Variants in HDGFL2 observed in about 807,000 individuals in gnomAD.
HDGFL2 encodes the protein HDGF like 2.
In HDGFL2, 36 loss-of-function variants were observed where a neutral mutation model predicts 77.1. The ratio of observed to expected loss-of-function variants is 0.47; its 90% confidence interval spans 0.36 to 0.62. The LOEUF is 0.62. HDGFL2 is among the 20% of genes least tolerant of loss of function. The pLI is 0.00. For synonymous variants in HDGFL2, 463 were observed against 413.1 expected (o/e 1.12, Z -1.46); for missense variants, 976 against 973.4 (o/e 1.00, Z -0.04).
chr19:4,499,570 G>T lies in HDGFL2; in HGVS notation c.1655G>T (p.Gly552Val). 6.2e-7 allele frequency: 1 copy of T among 1,613,488 alleles called. No homozygotes were observed. Among genetic ancestry groups the T allele is most frequent in the Non-Finnish European group, 8.5e-7 (1 of 1,179,818 alleles). ...VYTRLKSRVL[G>V]PKIEAVQKVN... ...ACCCGGCTCAAGTCGCGGGTCCTCG[G>T]CCCAAAGATCGAGGCGGTGCAGAAA... The change falls in exon 14 of 16, where the codon GGC (glycine) becomes GTC (valine). Residue 552 changes from glycine to valine, a missense_variant. Transcript: ENST00000616600.
rs758525198 is a variant in HDGFL2 at position 4,494,064 on chromosome 19, G to A, written c.914+7G>A. The A allele has an allele frequency of 1.3e-6, 2 of 1,594,856 alleles. No homozygotes were observed. Among genetic ancestry groups the A allele is most frequent in the East Asian group, 2.3e-5 (1 of 44,050 alleles). On this transcript the variant is annotated splice_region_variant and intron_variant, in intron 8 of 15. Coordinates refer to ENST00000616600, the MANE Select transcript of HDGFL2 (RefSeq NM_001001520.3). ...CCAGCTCCAGCAGTGACAGGTGGGT[G>A]CTGGGGCTGGGGTCCCCTCTGGCGG...
Position 4,487,753 on chromosome 19 carries a change from A to G in HDGFL2, c.289-923A>G, listed in dbSNP as rs569945495. Among the ~76,000 whole-genome samples, 5 of 152,242 alleles carry G rather than the reference A, an allele frequency of 3.3e-5. No individual in the cohort carries two copies. The East Asian group carries it at 7.7e-4, about 24-fold the overall frequency. On this transcript the variant is annotated intron_variant, in intron 3 of 15. Coordinates refer to ENST00000616600, the MANE Select transcript of HDGFL2 (RefSeq NM_001001520.3). ...GCCCGACACTCATGACTGCTCAGCA[A>G]ACGTTGGCTCAGTGTGTGACCCGGT...
intron 3 of HDGFL2, 90 bp from the exon 4 acceptor site, chr19:4,488,586 A>G (rs2145184773): frequency 6.8e-6 from 8 of 1,171,646 alleles, no homozygotes; most frequent in South Asian, 1.4e-5. Context: ...AGGATCCCGC[A>G]TGTGGTTGCC....
chr19:4,475,430 G>A lies in HDGFL2; in HGVS notation c.150-15G>A, dbSNP rs1468737100. The A allele has an allele frequency of 3.7e-6, 6 of 1,613,606 alleles. No homozygotes were observed. The highest frequency in any genetic ancestry group is 4.2e-6 in the Non-Finnish European group (5 of 1,179,908). On this transcript the variant is annotated splice_polypyrimidine_tract_variant and intron_variant, in intron 2 of 15. Transcript: ENST00000616600. ...CCTCACTCACCTGGGACTGGCCCCCGTTTCCCTTCTCCAGAGCCTTCCTGG... is the reference window on the plus strand; with the variant it reads ...CCTCACTCACCTGGGACTGGCCCCCATTTCCCTTCTCCAGAGCCTTCCTGG...
chr19:4,479,214 G>A (rs1975149691), intron 3 of HDGFL2, among the ~76,000 whole-genome samples: 1 of 151,920 alleles, frequency 6.6e-6, no homozygotes, highest in Non-Finnish European at 1.5e-5. Context: ...CACTTTGGGA[G>A]ACTGAGGAGG....
Position 4,494,460 on chromosome 19 carries a change from C to A in HDGFL2, c.1209C>A (p.Ala403=). ...PPSSSDSEPE[A]ELEREAKKSA... is the part of the protein sequence containing the mutation. Reference sequence around the variant, plus strand: ...CCTCCTCTGACTCCGAGCCCGAGGCCGAGCTGGAGAGAGAGGTGAGCCGGG... The same window carrying A: ...CCTCCTCTGACTCCGAGCCCGAGGCAGAGCTGGAGAGAGAGGTGAGCCGGG... Residue 403 remains alanine (A), a synonymous_variant, in exon 9 of 16, where the codon GCC becomes GCA. Coordinates refer to ENST00000616600, the MANE Select transcript of HDGFL2 (RefSeq NM_001001520.3). 1 of 1,391,660 alleles carries A rather than the reference C, an allele frequency of 7.2e-7. No homozygotes were observed. 86.2% of individuals were successfully genotyped at this position (1,391,660 alleles called of 1,614,324 possible). A position where few individuals can be genotyped will look rare whatever the true frequency, so the allele number is the denominator to read the frequency against.
chr19:4,501,090 C>T, intron 14 of HDGFL2, 101 bp from the exon 15 acceptor site: 31 of 1,460,450 alleles, frequency 2.1e-5, no homozygotes, highest in South Asian at 6.1e-5. Flanking sequence ...GTGTCACCCA[C>T]GGCGCTCAGC....
At chr19:4,483,509 T>C (rs1975276496) in intron 3 of HDGFL2, among the ~76,000 whole-genome samples, 1 of 152,140 alleles carries the variant, frequency 6.6e-6, no homozygotes, top group African/African-American at 2.4e-5. Flanking sequence ...GCATTTCTAC[T>C]CAGACGCTGG....
At position 4,494,237 on chromosome 19, in the gene HDGFL2, C is replaced by A; in HGVS notation, c.986C>A (p.Ala329Asp). Residue 329 changes from alanine to aspartate, a missense_variant, in exon 9 of 16, where the codon GCC becomes GAC. By Grantham distance (126) the Ala-to-Asp change is moderately radical. Around this residue, in one of 5 missense-constraint regions of HDGFL2, gnomAD observed 567 missense variants for 534.7 expected, o/e 1.06. Transcript: ENST00000616600. ...GAGGCGCGGAGGCGCGAGCTGGAGG[C>A]CCGGCGGCGGCGAGAGCAGGAGGAG... ...RDEARRRELE[A>D]RRRREQEEEL... 1 of 1,462,564 alleles carries A rather than the reference C, an allele frequency of 6.8e-7. No homozygotes were observed. The highest frequency in any genetic ancestry group is 9.0e-7 in the Non-Finnish European group (1 of 1,110,772). The allele number at this position is 1,462,564 out of a possible 1,614,324, so 90.6% of individuals were successfully genotyped here. A position where few individuals can be genotyped will look rare whatever the true frequency, so the allele number is the denominator to read the frequency against.
chr19:4,502,030 AGCCCCC>A lies in HDGFL2; in HGVS notation c.*25_*30del. 2 of 1,510,640 alleles carry A rather than the reference AGCCCCC, an allele frequency of 1.3e-6. No individual in the cohort carries two copies. Among genetic ancestry groups the A allele is most frequent in the Non-Finnish European group, 1.8e-6 (2 of 1,128,530 alleles). The allele number at this position is 1,510,640 out of a possible 1,614,324, so 93.6% of individuals were successfully genotyped here. A position where few individuals can be genotyped will look rare whatever the true frequency, so the allele number is the denominator to read the frequency against. On this transcript the variant is annotated 3_prime_UTR_variant, in exon 16 of 16. Coordinates refer to ENST00000616600, the MANE Select transcript of HDGFL2 (RefSeq NM_001001520.3). Reference sequence around the variant, plus strand: ...AGCTGAGCCGCGGGCAGCCAGGCCCAGCCCCCGCCCGAGCTCAGGCTGCCCCTCTCC... The same window carrying A: ...AGCTGAGCCGCGGGCAGCCAGGCCCAGCCCGAGCTCAGGCTGCCCCTCTCC...
At chr19:4,501,635 G>A (rs1224178067) in intron 15 of HDGFL2, 2 of 479,626 alleles carry the variant, frequency 4.2e-6, no homozygotes, top group South Asian at 3.6e-5. Flanking sequence ...GACGGTGCCT[G>A]TGCCCATCAC....
intron 6 of HDGFL2, among the ~76,000 whole-genome samples, chr19:4,492,601 T>G (rs1264218032): frequency 6.6e-6 from 1 of 151,294 alleles, no homozygotes; most frequent in Non-Finnish European, 1.5e-5. Context: ...GTATGTGTGT[T>G]GTCTGTGTGT....
Position 4,501,403 on chromosome 19 carries a change from A to C in HDGFL2, c.1916+86A>C, listed in dbSNP as rs902042110. The C allele has an allele frequency of 2.7e-6, 4 of 1,464,796 alleles. No individual in the cohort carries two copies. The East Asian group carries it at 9.7e-5, about 36-fold the overall frequency. 90.7% of individuals were successfully genotyped at this position (1,464,796 alleles called of 1,614,324 possible). ...GGGTCCGAGCCGCTCCTCCTGTGCCAGTCCCTCTGGGATGGGTCCCAGGGA... is the reference window on the plus strand; with the variant it reads ...GGGTCCGAGCCGCTCCTCCTGTGCCCGTCCCTCTGGGATGGGTCCCAGGGA... On this transcript the variant is annotated intron_variant, in intron 15 of 15. Coordinates refer to ENST00000616600, the MANE Select transcript of HDGFL2 (RefSeq NM_001001520.3).
At chr19:4,488,954 T>C (rs989742800) in intron 4 of HDGFL2, 78 bp downstream of exon 4, 15 of 126,620 alleles carry the variant, frequency 1.2e-4, no homozygotes, top group East Asian at 3.0e-4. Flanking sequence ...CTCCTGCCCT[T>C]TTTTTTTTTT....
intron 1 of HDGFL2, among the ~76,000 whole-genome samples, chr19:4,474,147 T>C (rs1362929414): frequency 6.6e-6 from 1 of 151,744 alleles, no homozygotes; most frequent in Non-Finnish European, 1.5e-5. Context: ...GGGCTGAGGT[T>C]GGTGGAATTT....
intron 4 of HDGFL2, among the ~76,000 whole-genome samples, chr19:4,489,254 C>T (rs903898461): frequency 9.3e-5 from 9 of 97,204 alleles, no homozygotes; most frequent in Non-Finnish European, 1.5e-4. Flanking sequence ...CGCCTGGCCA[C>T]CTTTCTTTTT....
Position 4,494,400 on chromosome 19 carries a change from GCGGGGACGCAAGGGCCGGGGC to G in HDGFL2, c.1155_1175del (p.Arg386_Gly392del). 1 of 1,405,102 alleles carries G rather than the reference GCGGGGACGCAAGGGCCGGGGC, an allele frequency of 7.1e-7. No individual in the cohort carries two copies. The highest frequency in any genetic ancestry group is 9.2e-7 in the Non-Finnish European group (1 of 1,084,120). 87.0% of individuals were successfully genotyped at this position (1,405,102 alleles called of 1,614,324 possible). On this transcript the variant is annotated inframe_deletion, in exon 9 of 16. Transcript: ENST00000616600. Reference sequence around the variant, plus strand: ...GGGAGGACGATGAGCCCGTCAAGAAGCGGGGACGCAAGGGCCGGGGCCGGGGTCCCCCGTCCTCCTCTGACT... The same window carrying G: ...GGGAGGACGATGAGCCCGTCAAGAAGCGGGGTCCCCCGTCCTCCTCTGACT...
In HDGFL2 at chr19:4,493,711, A is replaced by G. The variant is rs892161; in HGVS notation, c.687A>G (p.Pro229=). Residue 229 remains proline, a synonymous_variant, in exon 7 of 16, where the codon CCA becomes CCG. Transcript: ENST00000616600. ...TCCCTGCTTCTCCCCAGAAGGCGCC[A>G]TCAGCCTCCGACTCCGACTCCAAGG... is the stretch of plus-strand genomic sequence containing the variant. The part of the protein sequence containing the change: ...PLGGRKKKKA[P]SASDSDSKAD... 893,515 of 1,465,412 alleles carry G rather than the reference A, an allele frequency of 0.61. 274,148 individuals carry two copies. Among genetic ancestry groups the G allele is most frequent in the African/African-American group, 0.66 (46,304 of 69,980 alleles). The allele number at this position is 1,465,412 out of a possible 1,614,324, so 90.8% of individuals were successfully genotyped here.
chr19:4,497,974 C>A lies in HDGFL2; in HGVS notation c.1345C>A (p.Arg449=). 1 of 1,554,502 alleles carries A rather than the reference C, an allele frequency of 6.4e-7. No homozygotes were observed. Among genetic ancestry groups the A allele is most frequent in the East Asian group, 2.4e-5 (1 of 41,334 alleles). Residue 449 remains arginine, a synonymous_variant, in exon 11 of 16, where the codon CGG becomes AGG. Transcript: ENST00000616600. ...KQQAKPVKVE[R]TRKRSEGFSM... Reference sequence around the variant, plus strand: ...TCTCCACAGGCCCGTGAAGGTGGAGCGGACCCGGAAGCGGTCCGAGGGCTT... The same window carrying A: ...TCTCCACAGGCCCGTGAAGGTGGAGAGGACCCGGAAGCGGTCCGAGGGCTT...
Sources: allele counts gnomAD v4.1 joint callset (sites outside exome capture counted in the v4.1 genomes callset), GRCh38; gene constraint gnomAD v4.1.1; regional missense constraint gnomAD v4.1.1; transcripts MANE v1.5; gene names NCBI Gene and HGNC (gene_info 2026-07-23, HGNC 2026-07-21).